Variants in DDX27 observed in about 807,000 individuals in gnomAD.
DDX27 encodes the protein probable ATP-dependent RNA helicase DDX27.
A neutral mutation model predicts 99.3 loss-of-function variants in DDX27; 42 were observed. That is an observed-to-expected ratio of 0.42 (90% CI 0.33 to 0.55). The LOEUF (loss-of-function observed/expected upper bound fraction) is 0.55. Ranked by LOEUF, DDX27 falls within the 20% of genes least tolerant of loss-of-function variation. The pLI, the probability that DDX27 is intolerant of heterozygous loss-of-function variation, is 0.07. For synonymous variants in DDX27, 329 were observed against 353.8 expected, an observed-to-expected ratio of 0.93 and a Z score of 0.79; for missense variants, 798 against 976.8, an observed-to-expected ratio of 0.82 and a Z score of 2.44.
At chr20:49,226,106 C>G (rs532002793) in intron 6 of DDX27, among the ~76,000 whole-genome samples, 21 of 152,244 alleles carry the variant, frequency 1.4e-4, no homozygotes, top group African/African-American at 5.1e-4. Context: ...GCAGCCCTAC[C>G]GTGAATAGCA....
intron 16 of DDX27, among the ~76,000 whole-genome samples, chr20:49,240,126 C>T (rs1980430590): frequency 6.6e-6 from 1 of 152,102 alleles, no homozygotes; most frequent in African/African-American, 2.4e-5. Context: ...AGTGAGTAGC[C>T]TCCTGATAGG....
At chr20:49,227,252 C>T (rs529547410) in intron 7 of DDX27, among the ~76,000 whole-genome samples, 4 of 152,280 alleles carry the variant, frequency 2.6e-5, no homozygotes, top group Admixed American at 6.5e-5. Context: ...TAGGGTCTCT[C>T]GAATCCTTCA....
In DDX27 at chr20:49,226,510, C is replaced by A. The variant is rs752181126; in HGVS notation, c.681C>A (p.Ile227=). The change falls in exon 7 of 21, where the codon ATC becomes ATA. Residue 227 remains isoleucine (I), a synonymous_variant. Coordinates refer to ENST00000618172, the MANE Select transcript of DDX27 (RefSeq NM_017895.8). The part of the protein sequence containing the change: ...CIPVGLLGKD[I]CACAATGTGK... The stretch of plus-strand genomic sequence containing the variant: ...CTGTGGGTCTATTGGGGAAGGACAT[C>A]TGTGCCTGTGCAGCCACTGGGACAG... The A allele has an allele frequency of 1.2e-6, 2 of 1,614,080 alleles. No homozygotes were observed. Among genetic ancestry groups the A allele is most frequent in the Admixed American group, 1.7e-5 (1 of 60,006 alleles).
rs773016874 is a variant in DDX27, at chr20:49,226,485, C to A, written c.656C>A (p.Pro219His). ...QPTPIQKACI[P>H]VGLLGKDICA... ...ACCCCGATCCAGAAGGCGTGCATAC[C>A]TGTGGGTCTATTGGGGAAGGACATC... Residue 219 changes from proline to histidine, a missense_variant, in exon 7 of 21, where the codon CCT becomes CAT. Coordinates refer to ENST00000618172, the MANE Select transcript of DDX27 (RefSeq NM_017895.8). 4.3e-6 allele frequency: 7 copies of A among 1,613,920 alleles called. No individual in the cohort carries two copies. The African/African-American group carries it at 9.3e-5, about 22-fold the overall frequency.
At chr20:49,225,784 G>A (rs920819109) in intron 6 of DDX27, among the ~76,000 whole-genome samples, 3 of 152,084 alleles carry the variant, frequency 2.0e-5, no homozygotes, top group Middle Eastern at 3.4e-3. Flanking sequence ...GAGTTCCATC[G>A]TGTCCCTCCT....
chr20:49,223,127 G>A (rs1023961895), intron 3 of DDX27, 111 bp downstream of exon 3: 68 of 1,339,490 alleles, frequency 5.1e-5, no homozygotes, highest in Middle Eastern at 1.8e-4. Context: ...TGGGGCAGGC[G>A]CACTCTTCTG....
Position 49,236,480 on chromosome 20 carries a change from G to T in DDX27, c.1657G>T (p.Ala553Ser), listed in dbSNP as rs1247613400. The change falls in exon 14 of 21, where the codon GCC becomes TCC. Residue 553 changes from alanine to serine, a missense_variant. Ala to Ser is a moderately conservative substitution (Grantham distance 99, BLOSUM62 1). Coordinates refer to ENST00000618172, the MANE Select transcript of DDX27 (RefSeq NM_017895.8). The surrounding 1 kb of genome is among the most constrained non-coding windows in gnomAD (Gnocchi z 4.1). ...GAAGGAGATTGTAAAAGCTGCCAAG[G>T]CCCCTGTGAAGGCCAGGATACTTCC... Reference protein sequence around the residue: ...MLKEIVKAAKAPVKARILPQD... With the variant: ...MLKEIVKAAKSPVKARILPQD... 19 of 1,608,296 alleles carry T rather than the reference G, an allele frequency of 1.2e-5. No individual in the cohort carries two copies. Among genetic ancestry groups the T allele is most frequent in the Non-Finnish European group, 1.6e-5 (19 of 1,177,302 alleles).
chr20:49,234,914 T>G, intron 11 of DDX27, 21 bp from the exon 12 acceptor site: 1 of 1,570,238 alleles, frequency 6.4e-7, no homozygotes, highest in Non-Finnish European at 8.7e-7. Flanking sequence ...AGCTGCCAGC[T>G]CAGTCCTCTC....
intron 2 of DDX27, among the ~76,000 whole-genome samples, chr20:49,222,213 A>G (rs1979713534): frequency 6.6e-6 from 1 of 151,672 alleles, no homozygotes; most frequent in African/African-American, 2.4e-5. Flanking sequence ...GCTCACTGCA[A>G]CCTCTGCCTC....
chr20:49,233,520 C>A, intron 10 of DDX27, 48 bp from the exon 11 acceptor site: 1 of 1,603,506 alleles, frequency 6.2e-7, no homozygotes, highest in Non-Finnish European at 8.5e-7. Context: ...TTCCTCCTTC[C>A]CTACCACCTT....
chr20:49,236,532 A>G lies in DDX27; in HGVS notation c.1687+22A>G. The G allele has an allele frequency of 5.9e-6, 9 of 1,538,318 alleles. No individual in the cohort carries two copies. Among genetic ancestry groups the G allele is most frequent in the Non-Finnish European group, 7.0e-6 (8 of 1,141,228 alleles). On this transcript the variant is annotated intron_variant, in intron 14 of 20. Transcript: ENST00000618172. This position sits in a 1 kb window ranked among gnomAD's most constrained non-coding sequence, Gnocchi z 4.1. The stretch of plus-strand genomic sequence containing the variant: ...CAAGGTGAGCAGGCACCCCTGTGGC[A>G]GTGCAGAATGGCTCGGTGGGCGGGG...
rs751006977 is a variant in DDX27 at position 49,236,180 on chromosome 20, C to T, written c.1458C>T (p.Leu486=). The change falls in exon 13 of 21, where the codon CTC becomes CTT. Residue 486 remains leucine (L), a synonymous_variant. Coordinates refer to ENST00000618172, the MANE Select transcript of DDX27 (RefSeq NM_017895.8). This position sits in a 1 kb window ranked among gnomAD's most constrained non-coding sequence, Gnocchi z 4.1. The stretch of plus-strand genomic sequence containing the variant: ...TTAAGGATGAACAGATTGACATCCT[C>T]GTGGCCACTGATGTGGCAGCCCGTG... ...RRFKDEQIDI[L]VATDVAARGL... is the part of the protein sequence containing the mutation. 25 of 1,612,600 alleles carry T rather than the reference C, an allele frequency of 1.6e-5. No homozygotes were observed. The highest frequency in any genetic ancestry group is 8.9e-5 in the East Asian group (4 of 44,848).
At position 49,241,995 on chromosome 20, in the gene DDX27, G is replaced by A. The variant is rs904563368; in HGVS notation, c.1992+8G>A. On this transcript the variant is annotated splice_region_variant and intron_variant, in intron 17 of 20. Transcript: ENST00000618172. ...AAAAAGGGGGAGATGACAGTGAGTG[G>A]CCTCCCTTTTGGAGTTTGGGCCCAC... The A allele has an allele frequency of 5.0e-6, 8 of 1,613,856 alleles. No homozygotes were observed. Among genetic ancestry groups the A allele is most frequent in the Non-Finnish European group, 5.9e-6 (7 of 1,179,902 alleles).
In DDX27 at chr20:49,222,281, C is replaced by T. The variant is rs182786212; in HGVS notation, c.241-676C>T. Among the ~76,000 whole-genome samples the T allele has an allele frequency of 8.2e-3, 1,237 of 150,914 alleles. 10 individuals are homozygous for T. The highest frequency in any genetic ancestry group is 0.013 in the Non-Finnish European group (906 of 67,720). On this transcript the variant is annotated intron_variant, in intron 2 of 20. Coordinates refer to ENST00000618172, the MANE Select transcript of DDX27 (RefSeq NM_017895.8). The stretch of plus-strand genomic sequence containing the variant: ...CCGAGTTGCTGGGATTACAGGTGCC[C>T]ACCACCACGCCCAGCTAATTTTTTG...
intron 2 of DDX27, among the ~76,000 whole-genome samples, chr20:49,222,478 C>T (rs1189370666): frequency 6.6e-6 from 1 of 151,760 alleles, no homozygotes; most frequent in Non-Finnish European, 1.5e-5. Context: ...CTCAGCCTTA[C>T]CAGCACTGCA....
In DDX27 at chr20:49,236,329, C is replaced by G. The variant is rs773658896; in HGVS notation, c.1510-4C>G. ...AGGCCTGACGTTCATTTTTGACCTT[C>G]TAGGTAATCAACTTCACAATGCCTA... On this transcript the variant is annotated splice_polypyrimidine_tract_variant and splice_region_variant and intron_variant, in intron 13 of 20. Transcript: ENST00000618172. The surrounding 1 kb of genome is among the most constrained non-coding windows in gnomAD (Gnocchi z 4.1). 1.9e-6 allele frequency: 3 copies of G among 1,574,978 alleles called. No homozygotes were observed. The highest frequency in any genetic ancestry group is 2.3e-5 in the South Asian group (2 of 86,460).
rs144896256 is a variant in DDX27 at position 49,234,519 on chromosome 20, C to T, written c.1274-416C>T. The T allele has an allele frequency of 1.2e-3, 188 of 155,278 alleles. 1 individual carries two copies. Among genetic ancestry groups the T allele is most frequent in the East Asian group, 7.6e-3 (40 of 5,284 alleles). The allele number at this position is 155,278 out of a possible 1,614,324, so 9.6% of individuals were successfully genotyped here. A position where few individuals can be genotyped will look rare whatever the true frequency, so the allele number is the denominator to read the frequency against. On this transcript the variant is annotated intron_variant, in intron 11 of 20. Transcript: ENST00000618172. ...CTTCAAGTGATCTGTCCTCCTTGGT[C>T]TCCCAAAGTGCTGGGATTACGGGCA... is the stretch of plus-strand genomic sequence containing the variant.
intron 15 of DDX27, 44 bp from the exon 16 acceptor site, chr20:49,239,192 T>C (rs1160471681): frequency 6.3e-7 from 1 of 1,588,798 alleles, no homozygotes; most frequent in Non-Finnish European, 8.6e-7. Flanking sequence ...CCTGTGTTAG[T>C]AGATACGGGT....
Position 49,221,424 on chromosome 20 carries a change from A to G in DDX27, c.94-28A>G, listed in dbSNP as rs138455822. ...TCTATCATTCTTTATCTCAGCCCCA[A>G]AGTCACTCTGTCTCTTACTCTTCCC... On this transcript the variant is annotated intron_variant, in intron 1 of 20. Transcript: ENST00000618172. 5,736 of 1,612,166 alleles carry G rather than the reference A, an allele frequency of 3.6e-3. 10 individuals carry two copies. The highest frequency in any genetic ancestry group is 4.5e-3 in the Non-Finnish European group (5,311 of 1,179,648).
Sources: gnomAD v4.1 joint callset for allele counts (sites outside exome capture counted in the v4.1 genomes callset) on GRCh38, gnomAD v4.1.1 for gene constraint, Gnocchi (gnomAD v3.1) non-coding constraint, MANE v1.5 for transcripts, NCBI Gene and HGNC (gene_info 2026-07-23, HGNC 2026-07-21) for gene names.